The following SPOCK1 variants were observed in gnomAD, a reference collection of about 807,000 sequenced individuals.
The protein encoded by SPOCK1 is testican-1.
In SPOCK1, 23 loss-of-function variants were observed where a neutral mutation model predicts 55.3. The observed-to-expected ratio is 0.42, with a 90% CI of 0.30 to 0.59. SPOCK1 has a LOEUF of 0.59. SPOCK1 is among the 20% of genes least tolerant of loss of function. SPOCK1 has a pLI of 0.22. For synonymous variants in SPOCK1, 226 were observed against 221.0 expected (o/e 1.02, Z -0.20); for missense variants, 499 against 552.5 (o/e 0.90, Z 0.97).
chr5:137,353,189 G>A (rs962645728), intron 2 of SPOCK1, among the ~76,000 whole-genome samples: 2 of 152,082 alleles, frequency 1.3e-5, no homozygotes, highest in African/African-American at 4.8e-5. Context: ...AGACCAGCAT[G>A]GGCAATATGG....
At chr5:136,980,181 CAA>C (rs11288318) in intron 9 of SPOCK1, among the ~76,000 whole-genome samples, 19,966 of 134,398 alleles carry the variant, frequency 0.15, 1,548 homozygotes, top group African/African-American at 0.24. Context: ...TGTTTGCAGG[CAA>C]AAAAAAAAAA....
rs373236089 is a variant in SPOCK1 at position 137,338,024 on chromosome 5, TTTA to T, written c.187-70972_187-70970del. 2.8e-4 allele frequency among the ~76,000 whole-genome samples: 43 copies of T among 152,212 alleles called. No homozygotes were observed. The East Asian group carries it at 3.9e-3, about 14-fold the overall frequency. ...TAGTGACACTCCTCTGTATTATTTT[TTTA>T]TTATTATTATTATACTTTAAGTTTT... is the stretch of plus-strand genomic sequence containing the variant. On this transcript the variant is annotated intron_variant, in intron 2 of 10. Transcript: ENST00000394945.
At chr5:137,016,601 G>A (rs2126977557) in intron 6 of SPOCK1, among the ~76,000 whole-genome samples, 1 of 152,268 alleles carries the variant, frequency 6.6e-6, no homozygotes, top group Non-Finnish European at 1.5e-5. Flanking sequence ...AACACCAACT[G>A]GTGTCTAACA....
At chr5:137,229,392 A>G (rs17171131) in intron 3 of SPOCK1, among the ~76,000 whole-genome samples, 8,451 of 152,204 alleles carry the variant, frequency 0.056, 821 homozygotes, top group African/African-American at 0.19. Context: ...GATGACTGGT[A>G]CCAGAGGCTA....
rs1756709553 is a variant in SPOCK1 at position 137,259,701 on chromosome 5, A to AAG, written c.232+7308_232+7309insCT. On this transcript the variant is annotated intron_variant, in intron 3 of 10. Transcript: ENST00000394945. ...GACACATGAAAGTAAAAAAAAAAAAAAAAGAAAACAAAGGCTAGATAAGTC... is the reference window on the plus strand; with the variant it reads ...GACACATGAAAGTAAAAAAAAAAAAAAGAAAGAAAACAAAGGCTAGATAAGTC... 2.6e-5 allele frequency among the ~76,000 whole-genome samples: 4 copies of AAG among 151,666 alleles called. No individual in the cohort carries two copies. In the South Asian group the frequency reaches 8.3e-4, roughly 32 times the overall value.
intron 3 of SPOCK1, among the ~76,000 whole-genome samples, chr5:137,199,772 A>C (rs1755379312): frequency 6.6e-6 from 1 of 152,070 alleles, no homozygotes; most frequent in Non-Finnish European, 1.5e-5. Context: ...TACCAACTAC[A>C]AGCTGATGAC....
chr5:137,159,863 T>C lies in SPOCK1; in HGVS notation c.233-19169A>G, dbSNP rs570382037. Among the ~76,000 whole-genome samples, 4 of 152,308 alleles carry C rather than the reference T, an allele frequency of 2.6e-5. No individual in the cohort carries two copies. The South Asian group carries it at 8.3e-4, about 32-fold the overall frequency. On this transcript the variant is annotated intron_variant, in intron 3 of 10. Transcript: ENST00000394945. ...TCCTCCACTGAAGTCTTGAGTCCCT[T>C]GAAGTCATTTATTTTTACTTTAATT...
intron 2 of SPOCK1, among the ~76,000 whole-genome samples, chr5:137,354,556 C>T (rs1437521007): frequency 6.6e-6 from 1 of 152,174 alleles, no homozygotes; most frequent in Non-Finnish European, 1.5e-5. Context: ...TATCTGCCTC[C>T]AAGCACATCT....
intron 6 of SPOCK1, among the ~76,000 whole-genome samples, chr5:136,996,394 T>C (rs887626146): frequency 1.4e-4 from 21 of 152,192 alleles, no homozygotes; most frequent in Admixed American, 1.2e-3. Context: ...AAGACGGTGC[T>C]TTCTTGGGAG....
chr5:137,077,248 A>AC lies in SPOCK1; in HGVS notation c.475-9420dup, dbSNP rs564911177. On this transcript the variant is annotated intron_variant, in intron 5 of 10. Transcript: ENST00000394945. ...CCCCGCAGATTTAATTTTTAATTCAACCCCTTCACTTCTCCCTAGTCCAGT... is the reference window on the plus strand; with the variant it reads ...CCCCGCAGATTTAATTTTTAATTCAACCCCCTTCACTTCTCCCTAGTCCAGT... 2.6e-4 allele frequency among the ~76,000 whole-genome samples: 39 copies of AC among 152,306 alleles called. 1 individual carries two copies. The highest frequency in any genetic ancestry group is 9.4e-4 in the African/African-American group (39 of 41,560).
At position 137,101,676 on chromosome 5, in the gene SPOCK1, C is replaced by T. The variant is rs567904426; in HGVS notation, c.474+10759G>A. 6.6e-5 allele frequency among the ~76,000 whole-genome samples: 10 copies of T among 152,294 alleles called. No individual in the cohort carries two copies. In the South Asian group the frequency reaches 1.0e-3, roughly 16 times the overall value. On this transcript the variant is annotated intron_variant, in intron 5 of 10. Coordinates refer to ENST00000394945, the MANE Select transcript of SPOCK1 (RefSeq NM_004598.4). ...TCTGTGGATGTATTTTCACAATGGA[C>T]GATGTCTGAACATCTGTGCTTTCTG...
chr5:137,085,342 A>G lies in SPOCK1; in HGVS notation c.475-17513T>C, dbSNP rs12055344. On this transcript the variant is annotated intron_variant, in intron 5 of 10. Coordinates refer to ENST00000394945, the MANE Select transcript of SPOCK1 (RefSeq NM_004598.4). ...TTTAAATTTAGGGCCATCACCAACCACAGCTCTGAGGCATTTGTGAGGCAA... is the reference window on the plus strand; with the variant it reads ...TTTAAATTTAGGGCCATCACCAACCGCAGCTCTGAGGCATTTGTGAGGCAA... Among the ~76,000 whole-genome samples the G allele has an allele frequency of 9.0e-3, 1,371 of 152,276 alleles. 47 individuals are homozygous for G. In the East Asian group the frequency reaches 0.13, roughly 15 times the overall value.
intron 2 of SPOCK1, among the ~76,000 whole-genome samples, chr5:137,397,040 C>T (rs1292473367): frequency 1.3e-5 from 2 of 152,164 alleles, no homozygotes; most frequent in East Asian, 3.8e-4. Flanking sequence ...GCAAGTTGCC[C>T]AAGGTCACTC....
intron 5 of SPOCK1, among the ~76,000 whole-genome samples, chr5:137,068,884 G>C (rs969454614): frequency 2.6e-5 from 4 of 152,180 alleles, no homozygotes; most frequent in Non-Finnish European, 5.9e-5. Context: ...CAAGACCGGT[G>C]TGTAATCAGT....
At chr5:137,388,089 C>G (rs1002369543) in intron 2 of SPOCK1, among the ~76,000 whole-genome samples, 7 of 152,158 alleles carry the variant, frequency 4.6e-5, no homozygotes, top group Admixed American at 3.9e-4. Context: ...ATTAAAAGTG[C>G]ATTTAAAGGG....
intron 6 of SPOCK1, among the ~76,000 whole-genome samples, chr5:137,034,105 G>A (rs1174530707): frequency 2.2e-4 from 33 of 152,200 alleles, no homozygotes; most frequent in Admixed American, 2.2e-3. Flanking sequence ...ACCAGCAGGT[G>A]AATGACTTGG....
chr5:137,299,316 T>C lies in SPOCK1; in HGVS notation c.187-32261A>G, dbSNP rs139238424. On this transcript the variant is annotated intron_variant, in intron 2 of 10. Coordinates refer to ENST00000394945, the MANE Select transcript of SPOCK1 (RefSeq NM_004598.4). The stretch of plus-strand genomic sequence containing the variant: ...ATATATATGAATACACTTGCACATA[T>C]TACATAATATATGTTGGGTTTATAC... Among the ~76,000 whole-genome samples the C allele has an allele frequency of 4.3e-3, 650 of 152,228 alleles. 3 individuals carry two copies. The highest frequency in any genetic ancestry group is 0.015 in the African/African-American group (628 of 41,572).
At chr5:137,283,550 C>CT (rs1561492866) in intron 2 of SPOCK1, among the ~76,000 whole-genome samples, 1 of 151,902 alleles carries the variant, frequency 6.6e-6, no homozygotes, top group Admixed American at 6.6e-5. Flanking sequence ...CCCATCTCTA[C>CT]CAAAAAATAC....
At chr5:136,979,265 C>G in intron 10 of SPOCK1, 67 bp downstream of exon 10, 1 of 1,599,000 alleles carries the variant, frequency 6.3e-7, no homozygotes, top group Middle Eastern at 1.7e-4. Flanking sequence ...CTGCAGAGAT[C>G]CTTATGCAGT....
Sources: gnomAD v4.1 joint callset for allele counts (sites outside exome capture counted in the v4.1 genomes callset) on GRCh38, gnomAD v4.1.1 for gene constraint, MANE v1.5 for transcripts, NCBI Gene and HGNC (gene_info 2026-07-23, HGNC 2026-07-21) for gene names.